The following ATP6V1H variants were observed in gnomAD, a reference collection of about 807,000 sequenced individuals.
ATP6V1H encodes the protein V-type proton ATPase subunit H.
Under a neutral mutation model 71.7 loss-of-function variants are expected in ATP6V1H, and 39 were observed. The ratio of observed to expected loss-of-function variants is 0.54; its 90% CI spans 0.42 to 0.71. The LOEUF (loss-of-function observed/expected upper bound fraction) is 0.71, where lower values mean the gene tolerates loss of function less well. ATP6V1H is among the 30% of genes least tolerant of loss of function. ATP6V1H has a pLI of 0.00. For synonymous variants in ATP6V1H, 192 were observed against 199.3 expected (o/e 0.96, Z 0.31); for missense variants, 509 against 594.9 (o/e 0.86, Z 1.50).
At chr8:53,760,142 A>G (rs1432038553) in intron 11 of ATP6V1H, among the ~76,000 whole-genome samples, 2 of 152,224 alleles carry the variant, frequency 1.3e-5, no homozygotes, top group East Asian at 3.8e-4. Context: ...TCCAACAGAT[A>G]GAAAACACCT....
intron 12 of ATP6V1H, among the ~76,000 whole-genome samples, chr8:53,749,895 G>C (rs1028579042): frequency 2.6e-5 from 4 of 152,274 alleles, no homozygotes; most frequent in African/African-American, 9.6e-5. Context: ...CATTCCCTAA[G>C]GTGAGTGTCA....
At chr8:53,769,784 T>TGAC (rs1445581890) in intron 10 of ATP6V1H, 41 bp from the exon 11 acceptor site, 1 of 1,520,052 alleles carries the variant, frequency 6.6e-7, no homozygotes, top group Non-Finnish European at 8.9e-7. Flanking sequence ...TATAAGAATC[T>TGAC]GACAGTACTC....
At chr8:53,719,489 T>G (rs1252888153) in intron 13 of ATP6V1H, among the ~76,000 whole-genome samples, 1 of 152,186 alleles carries the variant, frequency 6.6e-6, no homozygotes, top group Non-Finnish European at 1.5e-5. Context: ...CTCCCCTGAA[T>G]GTCGAATGAC....
intron 4 of ATP6V1H, among the ~76,000 whole-genome samples, chr8:53,823,291 A>G (rs983861636): frequency 1.7e-4 from 26 of 152,224 alleles, no homozygotes; most frequent in East Asian, 7.7e-4. Flanking sequence ...TTAAAACATG[A>G]TATTTTGAAA....
chr8:53,717,386 G>A (rs950385443), intron 13 of ATP6V1H, among the ~76,000 whole-genome samples: 4 of 152,148 alleles, frequency 2.6e-5, no homozygotes, highest in Non-Finnish European at 5.9e-5. Context: ...TCCAAAGGCT[G>A]TTCATTTTTT....
chr8:53,799,580 T>C (rs576689245), intron 8 of ATP6V1H, among the ~76,000 whole-genome samples: 3 of 152,248 alleles, frequency 2.0e-5, no homozygotes, highest in African/African-American at 7.2e-5. Context: ...TAAAGTTTCC[T>C]AAATTGATCA....
chr8:53,817,344 C>A, intron 5 of ATP6V1H, 73 bp downstream of exon 5: 1 of 1,030,642 alleles, frequency 9.7e-7, no homozygotes, highest in Non-Finnish European at 1.4e-6. Flanking sequence ...TCAAGACCAG[C>A]CTGGACAACA....
rs58066475 is a variant in ATP6V1H at position 53,835,912 on chromosome 8, G to A, written c.114-2826C>T. ...CTTCATTTCTCACTACACCCCCTGC[G>A]CTGAACTCTGGCATTATTTCCCCCG... On this transcript the variant is annotated intron_variant, in intron 2 of 13. Coordinates refer to ENST00000359530, the MANE Select transcript of ATP6V1H (RefSeq NM_015941.4). Among the ~76,000 whole-genome samples the A allele has an allele frequency of 6.7e-3, 1,021 of 152,010 alleles. 7 individuals carry two copies. The highest frequency in any genetic ancestry group is 0.023 in the African/African-American group (967 of 41,428).
intron 13 of ATP6V1H, among the ~76,000 whole-genome samples, chr8:53,718,569 T>C (rs1453035883): frequency 6.6e-6 from 1 of 152,048 alleles, no homozygotes; most frequent in South Asian, 2.1e-4. Flanking sequence ...TTTGTATATT[T>C]TGTACAGACA....
At chr8:53,807,375 A>C (rs562704655) in intron 7 of ATP6V1H, among the ~76,000 whole-genome samples, 6 of 152,188 alleles carry the variant, frequency 3.9e-5, no homozygotes, top group African/African-American at 1.4e-4. Flanking sequence ...CGAGGTGGGC[A>C]GATTACCTGA....
At chr8:53,733,890 G>C (rs1585727243) in intron 13 of ATP6V1H, among the ~76,000 whole-genome samples, 1 of 152,184 alleles carries the variant, frequency 6.6e-6, no homozygotes, top group Non-Finnish European at 1.5e-5. Flanking sequence ...ATATGCATCA[G>C]AGAGAGAAAA....
At chr8:53,778,964 A>G (rs1174524573) in intron 9 of ATP6V1H, among the ~76,000 whole-genome samples, 1 of 152,242 alleles carries the variant, frequency 6.6e-6, no homozygotes, top group Non-Finnish European at 1.5e-5. Flanking sequence ...ATAAAGAAGG[A>G]TATTTCACAA....
intron 13 of ATP6V1H, among the ~76,000 whole-genome samples, chr8:53,722,505 G>A (rs777354991): frequency 6.6e-6 from 1 of 152,120 alleles, no homozygotes; most frequent in African/African-American, 2.4e-5. Flanking sequence ...TTATTACAAA[G>A]ATAGCACGTA....
chr8:53,833,819 A>T (rs921724521), intron 2 of ATP6V1H, among the ~76,000 whole-genome samples: 1 of 151,822 alleles, frequency 6.6e-6, no homozygotes, highest in African/African-American at 2.4e-5. Context: ...TAGTCTTACC[A>T]TTTTCAAATT....
At chr8:53,779,017 T>C (rs1483909467) in intron 9 of ATP6V1H, among the ~76,000 whole-genome samples, 1 of 152,258 alleles carries the variant, frequency 6.6e-6, no homozygotes, top group Non-Finnish European at 1.5e-5. Flanking sequence ...GCATTCATTG[T>C]GTTTTAATTA....
intron 4 of ATP6V1H, among the ~76,000 whole-genome samples, chr8:53,820,179 A>G (rs1202148250): frequency 6.6e-6 from 1 of 152,062 alleles, no homozygotes; most frequent in African/African-American, 2.4e-5. Context: ...AAAATAAAAT[A>G]AACTCTAACT....
At chr8:53,827,098 C>A (rs574414548) in intron 4 of ATP6V1H, among the ~76,000 whole-genome samples, 1 of 150,948 alleles carries the variant, frequency 6.6e-6, no homozygotes, top group Non-Finnish European at 1.5e-5. Flanking sequence ...AAATAAAATG[C>A]AGGCTGGGCA....
chr8:53,800,191 G>A (rs1809863361), intron 8 of ATP6V1H, among the ~76,000 whole-genome samples: 2 of 152,124 alleles, frequency 1.3e-5, no homozygotes, highest in Admixed American at 1.3e-4. Context: ...GAGCATAAGG[G>A]AGCCTGCACG....
At chr8:53,819,510 TGA>T (rs1249269426) in intron 4 of ATP6V1H, among the ~76,000 whole-genome samples, 1 of 107,430 alleles carries the variant, frequency 9.3e-6, no homozygotes, top group African/African-American at 3.6e-5. Flanking sequence ...CCAGCCTCAG[TGA>T]GAGAGCAAGA....
Sources: allele counts gnomAD v4.1 joint callset (sites outside exome capture counted in the v4.1 genomes callset), GRCh38; gene constraint gnomAD v4.1.1; transcripts MANE v1.5; gene names NCBI Gene and HGNC (gene_info 2026-07-23, HGNC 2026-07-21).